ADGRE1: variants seen among roughly 807,000 people sequenced by gnomAD.
The protein encoded by ADGRE1 is adhesion G protein-coupled receptor E1, also known as EGF-like module receptor 1.
Under a neutral mutation model 102.7 loss-of-function variants are expected in ADGRE1, and 82 were observed. The ratio of observed to expected loss-of-function variants is 0.80; its 90% CI spans 0.67 to 0.96. The LOEUF (loss-of-function observed/expected upper bound fraction) is 0.96, where lower values mean the gene tolerates loss of function less well. ADGRE1 is among the 40% of genes least tolerant of loss of function. The pLI is 0.00. For synonymous variants in ADGRE1, 398 were observed against 399.6 expected (o/e 1.00, Z 0.05); for missense variants, 1,032 against 1,085.3 (o/e 0.95, Z 0.69).
At chr19:6,912,177 CACACGCATGT>C (rs1401278541) in intron 10 of ADGRE1, among the ~76,000 whole-genome samples, 1 of 152,056 alleles carries the variant, frequency 6.6e-6, no homozygotes, top group Non-Finnish European at 1.5e-5. Context: ...TACACACATG[CACACGCATGT>C]ACACAACCCA....
intron 10 of ADGRE1, among the ~76,000 whole-genome samples, chr19:6,911,462 G>A (rs1362664319): frequency 3.8e-5 from 5 of 131,364 alleles, no homozygotes; most frequent in Non-Finnish European, 6.3e-5. Context: ...AATAATAAGG[G>A]GAATCATATG....
At chr19:6,903,363 G>T (rs1973837223) in intron 6 of ADGRE1, among the ~76,000 whole-genome samples, 1 of 152,216 alleles carries the variant, frequency 6.6e-6, no homozygotes, top group African/African-American at 2.4e-5. Flanking sequence ...CTCATCTGGA[G>T]TTGAGTCCTG....
At chr19:6,897,753 GC>G in intron 5 of ADGRE1, 2 of 408,576 alleles carry the variant, frequency 4.9e-6, no homozygotes, top group African/African-American at 2.1e-5. Context: ...GTCTCTTGTA[GC>G]CAGCACATGG....
intron 16 of ADGRE1, among the ~76,000 whole-genome samples, chr19:6,927,460 A>G (rs1220589354): frequency 6.6e-6 from 1 of 152,052 alleles, no homozygotes; most frequent in African/African-American, 2.4e-5. Flanking sequence ...CTCATAGTCT[A>G]GTAGTGGAAG....
intron 20 of ADGRE1, among the ~76,000 whole-genome samples, chr19:6,938,789 CTTTCTTTT>C (rs1199372832): frequency 6.9e-6 from 1 of 145,976 alleles, no homozygotes; most frequent in Non-Finnish European, 1.5e-5. Context: ...TTCTTTCTTT[CTTTCTTTT>C]TTTCTTTTTT....
At chr19:6,900,300 C>A (rs547211068) in intron 5 of ADGRE1, among the ~76,000 whole-genome samples, 19 of 137,134 alleles carry the variant, frequency 1.4e-4, no homozygotes, top group African/African-American at 4.9e-4. Context: ...CATAGTGAGA[C>A]CCTGTCTCTA....
intron 8 of ADGRE1, among the ~76,000 whole-genome samples, chr19:6,905,335 G>C (rs1337550292): frequency 6.6e-6 from 1 of 151,038 alleles, no homozygotes; most frequent in Non-Finnish European, 1.5e-5. Context: ...GTGACAGAGT[G>C]AGACCCTGTC....
At position 6,908,335 on chromosome 19, in the gene ADGRE1, G is replaced by A. The variant is rs149707004; in HGVS notation, c.1039-354G>A. Among the ~76,000 whole-genome samples the A allele has an allele frequency of 3.3e-3, 505 of 152,288 alleles. 4 individuals are homozygous for A. The highest frequency in any genetic ancestry group is 0.011 in the African/African-American group (477 of 41,558). On this transcript the variant is annotated intron_variant, in intron 9 of 20. Transcript: ENST00000312053. ...AACCTCGTTCAAGGCTCTCAGCTCT[G>A]AAGGCTGTGAGACCCCTGATTTCCC...
At position 6,926,516 on chromosome 19, in the gene ADGRE1, A is replaced by G; in HGVS notation, c.2137A>G (p.Ile713Val). ...FSSRNIKMLH[I>V]CAFGYGLPML... ...CTCTCGCAACATCAAGATGCTGCAC[A>G]TCTGTGCCTTTGGTTATGGGCTGCC... The change falls in exon 16 of 21, where the codon ATC (isoleucine) becomes GTC (valine). Residue 713 changes from isoleucine to valine, a missense_variant. Coordinates refer to ENST00000312053, the MANE Select transcript of ADGRE1 (RefSeq NM_001974.5). 2 of 1,614,234 alleles carry G rather than the reference A, an allele frequency of 1.2e-6. No individual in the cohort carries two copies. The highest frequency in any genetic ancestry group is 1.7e-6 in the Non-Finnish European group (2 of 1,180,050).
chr19:6,916,630 G>A lies in ADGRE1; in HGVS notation c.1420+262G>A, dbSNP rs1157384499. Among the ~76,000 whole-genome samples the A allele has an allele frequency of 2.6e-5, 4 of 152,030 alleles. No individual in the cohort carries two copies. The East Asian group carries it at 7.7e-4, about 29-fold the overall frequency. On this transcript the variant is annotated intron_variant, in intron 12 of 20. Transcript: ENST00000312053. The stretch of plus-strand genomic sequence containing the variant: ...TGTTGAGCAGTTGAAATTTGTATAA[G>A]CCAGGTTGAGAGGTACTGTAAACCT...
intron 6 of ADGRE1, among the ~76,000 whole-genome samples, chr19:6,903,470 A>G (rs561972511): frequency 3.9e-5 from 6 of 152,270 alleles, no homozygotes; most frequent in African/African-American, 1.4e-4. Context: ...TTTTCTCCAC[A>G]TGGTGATAAA....
chr19:6,937,357 C>T lies in ADGRE1; in HGVS notation c.2496C>T (p.Ile832=), dbSNP rs761598103. 1 of 1,614,128 alleles carries T rather than the reference C, an allele frequency of 6.2e-7. No individual in the cohort carries two copies. The highest frequency in any genetic ancestry group is 8.5e-7 in the Non-Finnish European group (1 of 1,180,034). Reference sequence around the variant, plus strand: ...TCATGGCTTACCTGTTCACCATCATCAACAGCCTGCAGGGGGCCTTCATCT... The same window carrying T: ...TCATGGCTTACCTGTTCACCATCATTAACAGCCTGCAGGGGGCCTTCATCT... ...AGVMAYLFTI[I]NSLQGAFIFL... Residue 832 remains isoleucine (I), a synonymous_variant, in exon 19 of 21, where the codon ATC becomes ATT. Coordinates refer to ENST00000312053, the MANE Select transcript of ADGRE1 (RefSeq NM_001974.5).
chr19:6,892,590 G>A (rs1973420735), intron 2 of ADGRE1, among the ~76,000 whole-genome samples: 1 of 152,074 alleles, frequency 6.6e-6, no homozygotes, highest in African/African-American at 2.4e-5. Context: ...TGGCCAGAAG[G>A]CTCATGTTAA....
intron 2 of ADGRE1, among the ~76,000 whole-genome samples, chr19:6,892,734 G>A (rs1028766810): frequency 1.3e-5 from 2 of 152,220 alleles, no homozygotes; most frequent in Admixed American, 6.5e-5. Context: ...CAGATGAATG[G>A]TTGAACTCAA....
At chr19:6,928,045 C>G (rs895954868) in intron 16 of ADGRE1, 100 bp from the exon 17 acceptor site, 1 of 1,411,366 alleles carries the variant, frequency 7.1e-7, no homozygotes, top group Non-Finnish European at 9.6e-7. Flanking sequence ...TGAGTCTCAC[C>G]TCCCAGTGTT....
At chr19:6,923,798 AT>A (rs1328643432) in intron 14 of ADGRE1, among the ~76,000 whole-genome samples, 74 of 118,016 alleles carry the variant, frequency 6.3e-4, no homozygotes, top group Middle Eastern at 4.7e-3. Flanking sequence ...CCAGCCTCCC[AT>A]AAGTGCTGGG....
intron 12 of ADGRE1, among the ~76,000 whole-genome samples, chr19:6,917,037 T>C (rs958053600): frequency 6.6e-6 from 1 of 152,232 alleles, no homozygotes; most frequent in Non-Finnish European, 1.5e-5. Context: ...TTAGTAACTA[T>C]TTTAAGCATT....
chr19:6,920,353 G>A (rs2354120), intron 13 of ADGRE1, among the ~76,000 whole-genome samples: 32,915 of 151,220 alleles, frequency 0.22, 3,630 homozygotes, highest in Middle Eastern at 0.24. Flanking sequence ...CCGAGTAGCT[G>A]GGATTACAGG....
At chr19:6,896,222 C>T in intron 2 of ADGRE1, 176 bp from the exon 3 acceptor site, 1 of 593,216 alleles carries the variant, frequency 1.7e-6, no homozygotes, top group Admixed American at 3.2e-5. Flanking sequence ...CTACAAAGAC[C>T]CAGTTTCCAA....
Sources: allele counts gnomAD v4.1 joint callset (sites outside exome capture counted in the v4.1 genomes callset), GRCh38; gene constraint gnomAD v4.1.1; transcripts MANE v1.5; gene names NCBI Gene and HGNC (gene_info 2026-07-23, HGNC 2026-07-21).